MARVELD2: variants seen among roughly 807,000 people sequenced by gnomAD.
MARVELD2 encodes the protein MARVEL domain containing 2, also known as MARVEL domain-containing protein 2.
A neutral mutation model predicts 57.6 loss-of-function variants in MARVELD2; 49 were observed. The ratio of observed to expected loss-of-function variants is 0.85; its 90% CI spans 0.68 to 1.08. MARVELD2 has a LOEUF of 1.08. Ranked by LOEUF, MARVELD2 falls within the 50% of genes least tolerant of loss-of-function variation. The probability of loss-of-function intolerance (pLI) is 0.00; values close to 1 mark genes in which losing one functional copy is unlikely to be tolerated. For synonymous variants in MARVELD2, 238 were observed against 258.8 expected (o/e 0.92, Z 0.77); for missense variants, 606 against 701.1 (o/e 0.86, Z 1.53).
At chr5:69,421,048 T>C (rs1766613281) in intron 2 of MARVELD2, among the ~76,000 whole-genome samples, 1 of 152,222 alleles carries the variant, frequency 6.6e-6, no homozygotes, top group African/African-American at 2.4e-5. Context: ...TGAATTGTAA[T>C]GAACATACTC....
chr5:69,431,684 C>A (rs1399189667), intron 3 of MARVELD2, among the ~76,000 whole-genome samples: 1 of 152,080 alleles, frequency 6.6e-6, no homozygotes, highest in South Asian at 2.1e-4. Context: ...TGTGTATTAC[C>A]ATATCCCAAA....
chr5:69,425,170 C>T (rs1766746814), intron 3 of MARVELD2, among the ~76,000 whole-genome samples: 1 of 147,776 alleles, frequency 6.8e-6, no homozygotes. Flanking sequence ...CACATATTCT[C>T]ACTCATAGGT....
chr5:69,430,336 C>T (rs1433465707), intron 3 of MARVELD2, among the ~76,000 whole-genome samples: 2 of 151,950 alleles, frequency 1.3e-5, no homozygotes, highest in African/African-American at 4.8e-5. Context: ...CACTGCACTC[C>T]AGCCTGGGCC....
Position 69,432,694 on chromosome 5 carries a change from T to C in MARVELD2, c.1331+19T>C. 6.2e-7 allele frequency: 1 copy of C among 1,614,014 alleles called. No homozygotes were observed. Reference sequence around the variant, plus strand: ...ATGTGGCGTGAGTGTCAGTCTGAATTCTTCCTCAAGGTAGAAGTTGAGGGG... The same window carrying C: ...ATGTGGCGTGAGTGTCAGTCTGAATCCTTCCTCAAGGTAGAAGTTGAGGGG... On this transcript the variant is annotated intron_variant, in intron 4 of 6. Transcript: ENST00000325631.
Position 69,421,401 on chromosome 5 carries a change from A to T in MARVELD2, c.1146+870A>T, listed in dbSNP as rs187147035. 1.1e-3 allele frequency among the ~76,000 whole-genome samples: 168 copies of T among 152,210 alleles called. 3 individuals are homozygous for T. The East Asian group carries it at 0.02, about 18-fold the overall frequency. On this transcript the variant is annotated intron_variant, in intron 2 of 6. Coordinates refer to ENST00000325631, the MANE Select transcript of MARVELD2 (RefSeq NM_001038603.3). The stretch of plus-strand genomic sequence containing the variant: ...TGAAATTTTCAGTATTTACCTTAAA[A>T]TTTTTTGTAATTTTAAGTTAACTAT...
At chr5:69,432,872 A>G in intron 4 of MARVELD2, 50 bp from the exon 5 acceptor site, 1 of 1,608,638 alleles carries the variant, frequency 6.2e-7, no homozygotes, top group South Asian at 1.1e-5. Context: ...TTTCCCATTC[A>G]GCTTCTTTTA....
chr5:69,420,076 T>G lies in MARVELD2; in HGVS notation c.691T>G (p.Tyr231Asp), dbSNP rs1422986265. The G allele has an allele frequency of 6.2e-7, 1 of 1,614,072 alleles. No individual in the cohort carries two copies. Among genetic ancestry groups the G allele is most frequent in the Non-Finnish European group, 8.5e-7 (1 of 1,180,048 alleles). The change falls in exon 2 of 7, where the codon TAT (tyrosine) becomes GAT (aspartate). Residue 231 changes from tyrosine (Y) to aspartate (D), a missense_variant. Coordinates refer to ENST00000325631, the MANE Select transcript of MARVELD2 (RefSeq NM_001038603.3). ...WYNLFGYSQP[Y>D]GMGGVGGLGS... ...CAACTTGTTTGGATATTCACAACCG[T>G]ATGGCATGGGAGGCGTTGGTGGATT...
intron 2 of MARVELD2, 143 bp from the exon 3 acceptor site, chr5:69,424,458 G>A (rs1387618823): frequency 1.4e-5 from 10 of 701,154 alleles, no homozygotes; most frequent in Non-Finnish European, 2.3e-5. Flanking sequence ...CAAAACCTAG[G>A]CAAAAAAAGG....
intron 3 of MARVELD2, 146 bp downstream of exon 3, chr5:69,424,782 TG>T (rs1237347052): frequency 1.4e-6 from 1 of 689,992 alleles, no homozygotes; most frequent in Admixed American, 2.3e-5. Flanking sequence ...CCCAGCACTT[TG>T]GGAGGCTGAG....
In MARVELD2 at chr5:69,419,785, A is replaced by G. The variant is rs746957826; in HGVS notation, c.400A>G (p.Lys134Glu). The G allele has an allele frequency of 9.8e-5, 158 of 1,614,082 alleles. No homozygotes were observed. The highest frequency in any genetic ancestry group is 6.6e-4 in the Middle Eastern group (4 of 6,084). Residue 134 changes from lysine (K) to glutamate (E), a missense_variant, in exon 2 of 7, where the codon AAA (lysine) becomes GAA (glutamate). Transcript: ENST00000325631. ...CCACCGTTCGCCCCTCAACTCCTGC[A>G]AAGATCCCTACGGAGGGTCAGAAGG... ...PNHRSPLNSC[K>E]DPYGGSEGTF...
intron 5 of MARVELD2, among the ~76,000 whole-genome samples, chr5:69,434,614 C>T (rs55747363): frequency 0.48 from 72,871 of 151,998 alleles, 17,612 homozygotes; most frequent in South Asian, 0.54. Flanking sequence ...AGTGCTCTTC[C>T]GCACCCCCCA....
chr5:69,431,876 G>T (rs114671486), intron 3 of MARVELD2, among the ~76,000 whole-genome samples: 2 of 114,230 alleles, frequency 1.8e-5, no homozygotes, highest in African/African-American at 6.9e-5. Context: ...TCACTCTATC[G>T]CCCAGGCTGG....
intron 2 of MARVELD2, among the ~76,000 whole-genome samples, chr5:69,423,700 T>C (rs999390871): frequency 6.6e-6 from 1 of 151,888 alleles, no homozygotes; most frequent in Non-Finnish European, 1.5e-5. Flanking sequence ...CTCAAACTCC[T>C]GGCCTCAAGC....
intron 4 of MARVELD2, 94 bp downstream of exon 4, chr5:69,432,769 T>G (rs1217862059): frequency 6.3e-7 from 1 of 1,585,544 alleles, no homozygotes; most frequent in Admixed American, 1.7e-5. Context: ...TAATACTCTG[T>G]GCTTAAAATC....
At chr5:69,415,935 A>AG in intron 1 of MARVELD2, among the ~76,000 whole-genome samples, 1 of 152,366 alleles carries the variant, frequency 6.6e-6, no homozygotes, top group East Asian at 1.9e-4. Context: ...GAAAGACATT[A>AG]GGGGTATCCA....
rs1324524345 is a variant in MARVELD2, at chr5:69,428,435, G to A, written c.1182+3799G>A. On this transcript the variant is annotated intron_variant, in intron 3 of 6. Coordinates refer to ENST00000325631, the MANE Select transcript of MARVELD2 (RefSeq NM_001038603.3). ...GGAGAATGACTTGAACCTGGAAGGTGGAGGTTGCAGTGAGCTGAGATCCAG... is the reference window on the plus strand; with the variant it reads ...GGAGAATGACTTGAACCTGGAAGGTAGAGGTTGCAGTGAGCTGAGATCCAG... 1.6e-3 allele frequency among the ~76,000 whole-genome samples: 176 copies of A among 109,486 alleles called. 47 individuals carry two copies. Among genetic ancestry groups the A allele is most frequent in the African/African-American group, 5.7e-3 (173 of 30,224 alleles). The allele number at this position is 109,486 out of a possible 152,430, so 71.8% of individuals were successfully genotyped here.
In MARVELD2 at chr5:69,444,012, A is replaced by AAAAAAAAAAAAAAAAAAAAAAAAG. The variant is rs1326232698; in HGVS notation, c.*2368_*2369insAAAAAAAAAAAAAGAAAAAAAAAA. 1.3e-5 allele frequency: 2 copies of AAAAAAAAAAAAAAAAAAAAAAAAG among 150,010 alleles called. No homozygotes were observed. The highest frequency in any genetic ancestry group is 3.0e-5 in the Non-Finnish European group (2 of 67,506). 9.3% of individuals were successfully genotyped at this position (150,010 alleles called of 1,614,324 possible). ...CTTAAGAAGAGCACCAGTGCTTTAA[A>AAAAAAAAAAAAAAAAAAAAAAAAG]AAAAAAAAAAGGTAAAATATTACCA... On this transcript the variant is annotated 3_prime_UTR_variant, in exon 7 of 7. Transcript: ENST00000325631.
At position 69,432,614 on chromosome 5, in the gene MARVELD2, C is replaced by T. The variant is rs758360820; in HGVS notation, c.1270C>T (p.Leu424=). The change falls in exon 4 of 7, where the codon CTG becomes TTG. Residue 424 remains leucine (L), a synonymous_variant. Coordinates refer to ENST00000325631, the MANE Select transcript of MARVELD2 (RefSeq NM_001038603.3). ...LRTAKMKPEL[L]SGHIPPGHIP... is the part of the protein sequence containing the mutation. Reference sequence around the variant, plus strand: ...AACAGCAAAAATGAAACCTGAACTACTGAGTGGACACATCCCCCCAGGCCA... The same window carrying T: ...AACAGCAAAAATGAAACCTGAACTATTGAGTGGACACATCCCCCCAGGCCA... 2 of 1,614,156 alleles carry T rather than the reference C, an allele frequency of 1.2e-6. No homozygotes were observed. The highest frequency in any genetic ancestry group is 1.7e-5 in the Admixed American group (1 of 60,010).
chr5:69,435,160 T>G (rs1321102077), intron 5 of MARVELD2, among the ~76,000 whole-genome samples: 1 of 151,480 alleles, frequency 6.6e-6, no homozygotes, highest in Admixed American at 6.6e-5. Context: ...TAGATGGGAC[T>G]ATAGGTGCAC....
Sources: gnomAD v4.1 joint callset for allele counts (sites outside exome capture counted in the v4.1 genomes callset) on GRCh38, gnomAD v4.1.1 for gene constraint, MANE v1.5 for transcripts, NCBI Gene and HGNC (gene_info 2026-07-23, HGNC 2026-07-21) for gene names.